TBX10: variants seen among roughly 807,000 people sequenced by gnomAD.
TBX10 encodes T-box transcription factor TBX10.
A neutral mutation model predicts 32.4 loss-of-function variants in TBX10; 26 were observed. That is an observed-to-expected ratio of 0.80 (90% CI 0.59 to 1.11). The LOEUF is 1.11. TBX10 is among the 50% of genes most tolerant of loss of function. The probability of loss-of-function intolerance (pLI) is 0.00; values close to 1 mark genes in which losing one functional copy is unlikely to be tolerated. For missense variants in TBX10, 490 were observed against 494.5 expected, an observed-to-expected ratio of 0.99 and a Z score of 0.09; for synonymous variants, 195 against 203.1, an observed-to-expected ratio of 0.96 and a Z score of 0.34.
At chr11:67,636,550 C>T (rs1330752301) in intron 1 of TBX10, among the ~76,000 whole-genome samples, 3 of 151,916 alleles carry the variant, frequency 2.0e-5, no homozygotes, top group Non-Finnish European at 4.4e-5. Context: ...CTCTGTCACC[C>T]AGGCCGGATG....
intron 4 of TBX10, 87 bp downstream of exon 4, chr11:67,634,102 G>T (rs1199659607): frequency 6.3e-7 from 1 of 1,578,138 alleles, no homozygotes; most frequent in Admixed American, 1.7e-5. Context: ...GCAGGCAGAG[G>T]TGCTGGGCAC....
intron 1 of TBX10, among the ~76,000 whole-genome samples, chr11:67,638,625 C>T (rs1211334622): frequency 6.6e-6 from 1 of 152,166 alleles, no homozygotes; most frequent in East Asian, 1.9e-4. Flanking sequence ...TAGTAGGTGC[C>T]TGGGGAGAAT....
chr11:67,636,839 T>C (rs936905098), intron 1 of TBX10, among the ~76,000 whole-genome samples: 1 of 152,212 alleles, frequency 6.6e-6, no homozygotes, highest in Non-Finnish European at 1.5e-5. Flanking sequence ...TCTGGGTCTA[T>C]ACCAGAAAGA....
Position 67,639,484 on chromosome 11 carries a change from G to A in TBX10, c.-12C>T, listed in dbSNP as rs1184591984. The A allele has an allele frequency of 6.3e-7, 1 of 1,594,032 alleles. No homozygotes were observed. The highest frequency in any genetic ancestry group is 1.1e-5 in the South Asian group (1 of 90,780). ...AGCCTACCTGCCATGGAGACAGAGA[G>A]GCTGTCCGGCTCCTGGAGAAACACT... On this transcript the variant is annotated 5_prime_UTR_variant, in exon 1 of 8. Coordinates refer to ENST00000335385, the MANE Select transcript of TBX10 (RefSeq NM_005995.5).
intron 1 of TBX10, among the ~76,000 whole-genome samples, chr11:67,636,556 G>A (rs530092060): frequency 3.4e-4 from 52 of 151,864 alleles, no homozygotes; most frequent in African/African-American, 1.2e-3. Flanking sequence ...CACCCAGGCC[G>A]GATGGATCTC....
chr11:67,634,074 C>G lies in TBX10; in HGVS notation c.549+115G>C, dbSNP rs549356010. 7.0e-5 allele frequency: 106 copies of G among 1,507,014 alleles called. 3 individuals are homozygous for G. In the South Asian group the frequency reaches 1.2e-3, roughly 17 times the overall value. The allele number at this position is 1,507,014 out of a possible 1,614,324, so 93.4% of individuals were successfully genotyped here. A position where few individuals can be genotyped will look rare whatever the true frequency, so the allele number is the denominator to read the frequency against. On this transcript the variant is annotated intron_variant, in intron 4 of 7. Coordinates refer to ENST00000335385, the MANE Select transcript of TBX10 (RefSeq NM_005995.5). The stretch of plus-strand genomic sequence containing the variant: ...GAGCTCGCCACCCCGGCTCCCCGCC[C>G]TGCCTTGACCATCAGCAGCAGGCAG...
chr11:67,631,995 T>C, intron 7 of TBX10, 101 bp from the exon 8 acceptor site: 1 of 1,474,788 alleles, frequency 6.8e-7, no homozygotes. Flanking sequence ...CCAAGTTACC[T>C]ACCTCTCAGC....
chr11:67,631,877 C>T lies in TBX10; in HGVS notation c.886G>A (p.Ala296Thr), dbSNP rs1470727292. The T allele has an allele frequency of 5.7e-6, 9 of 1,572,244 alleles. No homozygotes were observed. In the East Asian group the frequency reaches 2.1e-4, roughly 36 times the overall value. ...CAAGCAGGGGTCTTGGAGGTGGAAGCTGAAGCTTTGTTGGGGTCTGAGGGA... is the reference window on the plus strand; with the variant it reads ...CAAGCAGGGGTCTTGGAGGTGGAAGTTGAAGCTTTGTTGGGGTCTGAGGGA... Reference protein sequence around the residue: ...DREKDPNKASASTSKTPAWLH... With the variant: ...DREKDPNKASTSTSKTPAWLH... Residue 296 changes from alanine (A) to threonine (T), a missense_variant, in exon 8 of 8, where the codon GCT (alanine) becomes ACT (threonine). Ala to Thr is a moderately conservative substitution (Grantham distance 58). Around this residue, in one of 3 missense-constraint regions of TBX10, gnomAD observed 177 missense variants for 176.6 expected, o/e 1.00. Coordinates refer to ENST00000335385, the MANE Select transcript of TBX10 (RefSeq NM_005995.5).
chr11:67,638,919 T>TG (rs572619059), intron 1 of TBX10, among the ~76,000 whole-genome samples: 18 of 151,704 alleles, frequency 1.2e-4, no homozygotes, highest in Admixed American at 5.9e-4. Flanking sequence ...GGTCCCAAGG[T>TG]GGGGGGGCTC....
At chr11:67,635,541 C>T (rs1855316368) in intron 1 of TBX10, among the ~76,000 whole-genome samples, 1 of 152,210 alleles carries the variant, frequency 6.6e-6, no homozygotes, top group African/African-American at 2.4e-5. Context: ...AATTGTTTCA[C>T]CTCCTGGAGC....
intron 1 of TBX10, among the ~76,000 whole-genome samples, chr11:67,637,238 A>G (rs1855343731): frequency 6.6e-6 from 1 of 152,220 alleles, no homozygotes; most frequent in African/African-American, 2.4e-5. Flanking sequence ...GCAAGATGCA[A>G]AATGTTCTAG....
intron 1 of TBX10, 69 bp downstream of exon 1, chr11:67,639,397 A>G (rs1323566341): frequency 2.1e-5 from 8 of 381,858 alleles, no homozygotes; most frequent in Non-Finnish European, 3.9e-5. Flanking sequence ...CTTGGTTCCC[A>G]CCCTGCCCAC....
At chr11:67,632,259 TGCCTTCC>T in intron 7 of TBX10, 52 bp downstream of exon 7, 1 of 1,595,740 alleles carries the variant, frequency 6.3e-7, no homozygotes, top group South Asian at 1.1e-5. Context: ...CCTGTCCCTT[TGCCTTCC>T]GCCCACTGTG....
chr11:67,639,586 C>G lies in TBX10; in HGVS notation c.-114G>C, dbSNP rs1855378084. ...CCACTCGGCACCTCAGCTCAGCCCT[C>G]AGGTGCTCACACAAGCTGTAGTCTC... On this transcript the variant is annotated 5_prime_UTR_variant, in exon 1 of 8. Coordinates refer to ENST00000335385, the MANE Select transcript of TBX10 (RefSeq NM_005995.5). 8 of 1,366,910 alleles carry G rather than the reference C, an allele frequency of 5.9e-6. No homozygotes were observed. In the Admixed American group the frequency reaches 1.3e-4, roughly 22 times the overall value. The allele number at this position is 1,366,910 out of a possible 1,614,324, so 84.7% of individuals were successfully genotyped here.
chr11:67,636,248 CT>C (rs35028053), intron 1 of TBX10, among the ~76,000 whole-genome samples: 88,498 of 136,150 alleles, frequency 0.65, 31,344 homozygotes, highest in East Asian at 0.78. Flanking sequence ...CACACGGCTA[CT>C]TTTTTTTTTT....
At chr11:67,638,898 C>T (rs1855367733) in intron 1 of TBX10, among the ~76,000 whole-genome samples, 1 of 152,098 alleles carries the variant, frequency 6.6e-6, no homozygotes, top group Non-Finnish European at 1.5e-5. Flanking sequence ...CCCCCTGGGT[C>T]CATGGCAATG....
At chr11:67,635,379 G>A in intron 1 of TBX10, 116 bp from the exon 2 acceptor site, 1 of 1,414,936 alleles carries the variant, frequency 7.1e-7, no homozygotes. Context: ...CCAGGGCTGT[G>A]TTCTCACAGG....
upstream of TBX10, among the ~76,000 whole-genome samples, chr11:67,640,382 C>T (rs1216739589): frequency 4.6e-5 from 7 of 152,110 alleles, no homozygotes; most frequent in South Asian, 4.1e-4. Context: ...AAGCCCATCC[C>T]GCCTGGAACT....
rs1181576622 is a variant in TBX10 at position 67,631,942 on chromosome 11, C to T, written c.869-48G>A. ...TCTGGGCCTCCCATCGCATCCTCATCCCTCATCCCAGGCCTGCCCTGGTCC... is the reference window on the plus strand; with the variant it reads ...TCTGGGCCTCCCATCGCATCCTCATTCCTCATCCCAGGCCTGCCCTGGTCC... On this transcript the variant is annotated intron_variant, in intron 7 of 7. Coordinates refer to ENST00000335385, the MANE Select transcript of TBX10 (RefSeq NM_005995.5). 5 of 1,551,910 alleles carry T rather than the reference C, an allele frequency of 3.2e-6. No individual in the cohort carries two copies. The Admixed American group carries it at 7.8e-5, about 24-fold the overall frequency.
Sources: allele counts gnomAD v4.1 joint callset (sites outside exome capture counted in the v4.1 genomes callset), GRCh38; gene constraint gnomAD v4.1.1; regional missense constraint gnomAD v4.1.1; transcripts MANE v1.5; gene names NCBI Gene and HGNC (gene_info 2026-07-23, HGNC 2026-07-21).